The following PDE1C variants were observed in gnomAD, a reference collection of about 807,000 sequenced individuals.
PDE1C encodes dual specificity calcium/calmodulin-dependent 3',5'-cyclic nucleotide phosphodiesterase 1C.
PDE1C carries 62 observed loss-of-function variants against 93.1 expected under a neutral mutation model. That is an observed-to-expected ratio of 0.67 (90% confidence interval 0.54 to 0.82). PDE1C has a LOEUF of 0.82. Among genes scored for constraint, PDE1C ranks in the 40% least tolerant of loss-of-function variants. PDE1C has a pLI of 0.00. For synonymous variants in PDE1C, 325 were observed against 310.1 expected (o/e 1.05, Z -0.50); for missense variants, 742 against 884.6 (o/e 0.84, Z 2.04).
At chr7:31,697,735 G>T in the PDE1C span, among the ~76,000 whole-genome samples, 2 of 152,126 alleles carry the variant, frequency 1.3e-5, no homozygotes, top group African/African-American at 4.8e-5. Context: ...GTTGTGTTGG[G>T]GAAGTGACGG....
chr7:31,690,177 G>C, the PDE1C span, among the ~76,000 whole-genome samples: 1 of 152,222 alleles, frequency 6.6e-6, no homozygotes, highest in Admixed American at 6.5e-5. Context: ...TGAAAGAAAA[G>C]TTCAATTGCT....
chr7:32,079,035 AAAG>A (rs1374409597), intron 3 of PDE1C, among the ~76,000 whole-genome samples: 5 of 152,216 alleles, frequency 3.3e-5, no homozygotes, highest in Non-Finnish European at 5.9e-5. Flanking sequence ...TTTGATTTGC[AAAG>A]AAGGATTTAA....
At chr7:31,758,706 T>C (rs1336530403) in intron 17 of PDE1C, among the ~76,000 whole-genome samples, 1 of 152,208 alleles carries the variant, frequency 6.6e-6, no homozygotes, top group Non-Finnish European at 1.5e-5. Flanking sequence ...GTTTATTAGA[T>C]CTCAGAGTGC....
the PDE1C span, chr7:31,692,549 T>C: frequency 4.0e-5 from 62 of 1,564,380 alleles, no homozygotes; most frequent in East Asian, 1.4e-3. Context: ...ATTGTGAATG[T>C]CAGTGGTGGA....
At chr7:32,178,808 C>G (rs1803181556) in intron 2 of PDE1C, among the ~76,000 whole-genome samples, 1 of 152,172 alleles carries the variant, frequency 6.6e-6, no homozygotes, top group African/African-American at 2.4e-5. Flanking sequence ...TTTTCATGGA[C>G]CCATAAACCC....
intron 1 of PDE1C, among the ~76,000 whole-genome samples, chr7:32,368,908 T>C (rs1439360386): frequency 1.3e-5 from 2 of 152,136 alleles, no homozygotes. Flanking sequence ...GACACTCTCA[T>C]CAACAAATGG....
At chr7:31,672,549 A>G in the PDE1C span, among the ~76,000 whole-genome samples, 3 of 151,590 alleles carry the variant, frequency 2.0e-5, no homozygotes, top group Admixed American at 6.6e-5. Context: ...ACCTTCTCTG[A>G]TTTCTTTTTT....
chr7:31,977,158 G>A (rs1811773679), intron 2 of PDE1C, among the ~76,000 whole-genome samples: 1 of 152,136 alleles, frequency 6.6e-6, no homozygotes, highest in African/African-American at 2.4e-5. Flanking sequence ...TATGTTGATG[G>A]CATTTGGAGG....
chr7:31,799,589 A>G (rs1406831148), intron 16 of PDE1C, among the ~76,000 whole-genome samples: 1 of 151,714 alleles, frequency 6.6e-6, no homozygotes, highest in Non-Finnish European at 1.5e-5. Context: ...AACAGAAAAA[A>G]CACATACATT....
At chr7:32,366,821 G>A (rs550940421) in intron 1 of PDE1C, among the ~76,000 whole-genome samples, 43 of 150,712 alleles carry the variant, frequency 2.9e-4, no homozygotes, top group Admixed American at 4.6e-4. Context: ...TCAGGAGATC[G>A]AGACCATCCT....
At chr7:31,632,356 G>A in the PDE1C span, among the ~76,000 whole-genome samples, 2 of 152,148 alleles carry the variant, frequency 1.3e-5, no homozygotes, top group African/African-American at 4.8e-5. Flanking sequence ...GCTGAAACAG[G>A]AGAATCGCTT....
At chr7:31,850,231 G>A (rs1332025353) in intron 8 of PDE1C, among the ~76,000 whole-genome samples, 2 of 151,970 alleles carry the variant, frequency 1.3e-5, no homozygotes, top group Non-Finnish European at 2.9e-5. Flanking sequence ...GAGATCAGAG[G>A]GTAAGATTGG....
At chr7:32,025,780 C>T (rs1283427475) in intron 2 of PDE1C, among the ~76,000 whole-genome samples, 1 of 152,126 alleles carries the variant, frequency 6.6e-6, no homozygotes, top group Non-Finnish European at 1.5e-5. Flanking sequence ...TACATACAGC[C>T]AGAGGTCATA....
At chr7:31,627,659 CAAAAAA>C in the PDE1C span, among the ~76,000 whole-genome samples, 5 of 75,542 alleles carry the variant, frequency 6.6e-5, no homozygotes, top group South Asian at 1.4e-3. Flanking sequence ...GACACTGTCT[CAAAAAA>C]AAAAAAAAAA....
At chr7:31,872,215 C>T (rs1462441340) in intron 6 of PDE1C, among the ~76,000 whole-genome samples, 1 of 151,936 alleles carries the variant, frequency 6.6e-6, no homozygotes, top group Non-Finnish European at 1.5e-5. Flanking sequence ...ATACTGGAGG[C>T]TGGGATGTGT....
intron 1 of PDE1C, among the ~76,000 whole-genome samples, chr7:32,327,379 A>G (rs1171476920): frequency 2.6e-5 from 4 of 152,194 alleles, no homozygotes; most frequent in African/African-American, 9.7e-5. Flanking sequence ...GTAGGACATT[A>G]CCAGCATCCC....
chr7:32,421,320 C>T (rs2128100020), intron 1 of PDE1C, among the ~76,000 whole-genome samples: 1 of 152,320 alleles, frequency 6.6e-6, no homozygotes, highest in South Asian at 2.1e-4. Context: ...GCCTTCCTCA[C>T]TCCAGTTATT....
chr7:31,676,531 T>C, the PDE1C span, among the ~76,000 whole-genome samples: 3 of 152,066 alleles, frequency 2.0e-5, no homozygotes, highest in Non-Finnish European at 4.4e-5. Flanking sequence ...GCATATCAGA[T>C]GTATAGTTGA....
chr7:32,179,690 A>G (rs1293103449), intron 2 of PDE1C, among the ~76,000 whole-genome samples: 4 of 152,166 alleles, frequency 2.6e-5, no homozygotes, highest in African/African-American at 9.7e-5. Flanking sequence ...TAAATCAGAA[A>G]TAACTACAGA....
Sources: gnomAD v4.1 joint callset for allele counts (sites outside exome capture counted in the v4.1 genomes callset) on GRCh38, gnomAD v4.1.1 for gene constraint, MANE v1.5 for transcripts, NCBI Gene and HGNC (gene_info 2026-07-23, HGNC 2026-07-21) for gene names.